The following ADAMTSL1 variants were observed in gnomAD, a reference collection of about 807,000 sequenced individuals.
The protein encoded by ADAMTSL1 is ADAMTS like 1.
Under a neutral mutation model 201.8 loss-of-function variants are expected in ADAMTSL1, and 126 were observed. That is an observed-to-expected ratio of 0.62 (90% CI 0.54 to 0.72). ADAMTSL1 has a LOEUF of 0.72. Among genes scored for constraint, ADAMTSL1 ranks in the 30% least tolerant of loss-of-function variants. The probability of loss-of-function intolerance (pLI) is 0.00; values close to 1 mark genes in which losing one functional copy is unlikely to be tolerated. For missense variants in ADAMTSL1, 2,679 were observed against 2,277.8 expected, an observed-to-expected ratio of 1.18 and a Z score of -3.59; for synonymous variants, 1,121 against 903.4, an observed-to-expected ratio of 1.24 and a Z score of -4.32.
In ADAMTSL1 at chr9:18,588,970, T is replaced by C. The variant is rs138471938; in HGVS notation, c.474+14704T>C. 1.5e-4 allele frequency among the ~76,000 whole-genome samples: 22 copies of C among 144,138 alleles called. No homozygotes were observed. In the East Asian group the frequency reaches 4.3e-3, roughly 28 times the overall value. The allele number at this position is 144,138 out of a possible 152,430, so 94.6% of individuals were successfully genotyped here. On this transcript the variant is annotated intron_variant, in intron 4 of 28. Transcript: ENST00000380548. ...TGTCACCCAGGCTGTAGTGTAGTGG[T>C]GCAATCTTGGATCACTGCAACCTCC...
rs546585944 is a variant in ADAMTSL1, at chr9:18,622,544, G to A, written c.601+175G>A. 4 of 921,058 alleles carry A rather than the reference G, an allele frequency of 4.3e-6. No individual in the cohort carries two copies. In the South Asian group the frequency reaches 5.2e-5, roughly 12 times the overall value. The allele number at this position is 921,058 out of a possible 1,614,324, so 57.1% of individuals were successfully genotyped here. A position where few individuals can be genotyped will look rare whatever the true frequency, so the allele number is the denominator to read the frequency against. On this transcript the variant is annotated intron_variant, in intron 5 of 28. Coordinates refer to ENST00000380548, the MANE Select transcript of ADAMTSL1 (RefSeq NM_001040272.6). ...AATTAGCTTAGGTGGGACAAGTCAG[G>A]TTACCAGCTGCAGTCCCAAAGAGGA...
chr9:17,930,919 A>T (rs1218306710), intron 1 of ADAMTSL1, among the ~76,000 whole-genome samples: 1 of 152,150 alleles, frequency 6.6e-6, no homozygotes, highest in Non-Finnish European at 1.5e-5. Context: ...ATGGAAGCCC[A>T]GGTGGGGTTC....
chr9:18,842,630 C>G (rs555380788), intron 23 of ADAMTSL1, among the ~76,000 whole-genome samples: 1 of 152,124 alleles, frequency 6.6e-6, no homozygotes, highest in African/African-American at 2.4e-5. Context: ...CTAATGTTGA[C>G]AGTGGGGCGT....
At chr9:18,230,374 A>G in intron 2 of ADAMTSL1, among the ~76,000 whole-genome samples, 1 of 152,176 alleles carries the variant, frequency 6.6e-6, no homozygotes, top group East Asian at 1.9e-4. Flanking sequence ...AATGACAGTT[A>G]AAAGTTGGCT....
intron 2 of ADAMTSL1, among the ~76,000 whole-genome samples, chr9:18,259,018 T>A (rs991326443): frequency 1.3e-5 from 2 of 152,204 alleles, no homozygotes; most frequent in Non-Finnish European, 2.9e-5. Context: ...GTCTCTGCCA[T>A]TGGCTTCCAG....
chr9:18,367,919 A>G (rs2133111194), intron 2 of ADAMTSL1, among the ~76,000 whole-genome samples: 1 of 151,912 alleles, frequency 6.6e-6, no homozygotes, highest in Admixed American at 6.6e-5. Flanking sequence ...TTATTTTTTG[A>G]GACGGAGTCT....
chr9:18,079,437 G>C (rs1235130734), intron 1 of ADAMTSL1, among the ~76,000 whole-genome samples: 1 of 151,962 alleles, frequency 6.6e-6, no homozygotes. Flanking sequence ...CCAGCACTTT[G>C]GGAGGCCGAG....
intron 14 of ADAMTSL1, chr9:18,717,887 A>T: frequency 1.1e-6 from 1 of 888,156 alleles, no homozygotes; most frequent in Non-Finnish European, 1.9e-6. Context: ...AGATGCTGGT[A>T]GGTTTAACAA....
chr9:18,793,163 G>T, intron 19 of ADAMTSL1: 1 of 152,202 alleles, frequency 6.6e-6, no homozygotes. Flanking sequence ...TAACTAAGGT[G>T]TCTATTTCCT....
intron 3 of ADAMTSL1, among the ~76,000 whole-genome samples, chr9:18,572,194 CAA>C (rs1219703564): frequency 3.3e-5 from 3 of 91,718 alleles, no homozygotes; most frequent in Non-Finnish European, 4.7e-5. Context: ...GACTCCTTGT[CAA>C]AAAAAAAAAA....
At chr9:18,430,668 A>G (rs1373146419) in intron 2 of ADAMTSL1, among the ~76,000 whole-genome samples, 1 of 152,162 alleles carries the variant, frequency 6.6e-6, no homozygotes, top group Non-Finnish European at 1.5e-5. Context: ...GAATTCCTCT[A>G]TACCAGAGAC....
At chr9:17,981,780 C>A (rs1157431621) in intron 1 of ADAMTSL1, among the ~76,000 whole-genome samples, 1 of 152,220 alleles carries the variant, frequency 6.6e-6, no homozygotes, top group Non-Finnish European at 1.5e-5. Flanking sequence ...TCTTGCTTTA[C>A]CCCAGGACAT....
chr9:17,918,981 A>G lies in ADAMTSL1; in HGVS notation c.87+12059A>G, dbSNP rs140827037. 5.0e-3 allele frequency among the ~76,000 whole-genome samples: 754 copies of G among 151,972 alleles called. 3 individuals carry two copies. Among genetic ancestry groups the G allele is most frequent in the South Asian group, 7.9e-3 (38 of 4,826 alleles). ...TAAAATCTACTTTGCCTTTGGCTAT[A>G]TTAATATTAGACAAACATTTCTGAT... On this transcript the variant is annotated intron_variant, in intron 1 of 29. Coordinates refer to the ADAMTSL1 transcript ENST00000680146.
intron 1 of ADAMTSL1, among the ~76,000 whole-genome samples, chr9:18,160,974 C>A (rs1267302394): frequency 6.6e-6 from 1 of 151,510 alleles, no homozygotes; most frequent in Non-Finnish European, 1.5e-5. Flanking sequence ...AGGCATAAGC[C>A]ACCATGCCTG....
intron 2 of ADAMTSL1, among the ~76,000 whole-genome samples, chr9:18,361,593 T>C (rs574868507): frequency 5.9e-5 from 9 of 152,290 alleles, no homozygotes; most frequent in African/African-American, 2.2e-4. Flanking sequence ...GAGTTGTTTG[T>C]GTTACACTCC....
At chr9:18,490,698 C>G (rs1384474623) in intron 1 of ADAMTSL1, among the ~76,000 whole-genome samples, 2 of 152,038 alleles carry the variant, frequency 1.3e-5, no homozygotes, top group African/African-American at 4.8e-5. Context: ...TAAGAAAAGG[C>G]AGGGGACAAA....
intron 21 of ADAMTSL1, among the ~76,000 whole-genome samples, chr9:18,820,385 G>C (rs1164776781): frequency 3.3e-5 from 5 of 152,100 alleles, no homozygotes; most frequent in Non-Finnish European, 7.4e-5. Flanking sequence ...TAAAATATTA[G>C]AGTATTAAAG....
At chr9:18,286,464 T>C (rs1013133847) in intron 2 of ADAMTSL1, among the ~76,000 whole-genome samples, 2 of 152,038 alleles carry the variant, frequency 1.3e-5, no homozygotes, top group Non-Finnish European at 2.9e-5. Flanking sequence ...AATTAGAGGG[T>C]AGAGAGACAG....
chr9:17,919,104 AG>A (rs1826206543), intron 1 of ADAMTSL1, among the ~76,000 whole-genome samples: 1 of 151,970 alleles, frequency 6.6e-6, no homozygotes, highest in African/African-American at 2.4e-5. Flanking sequence ...TTCCCATTAT[AG>A]TATGACTTCC....
Sources: gnomAD v4.1 joint callset for allele counts (sites outside exome capture counted in the v4.1 genomes callset) on GRCh38, gnomAD v4.1.1 for gene constraint, MANE v1.5 for transcripts, NCBI Gene and HGNC (gene_info 2026-07-23, HGNC 2026-07-21) for gene names.